TENM3: variants seen among roughly 807,000 people sequenced by gnomAD.
TENM3 encodes the protein teneurin transmembrane protein 3.
In TENM3, 63 loss-of-function variants were observed where a neutral mutation model predicts 255.1. The observed-to-expected ratio is 0.25, with a 90% CI of 0.20 to 0.30. The LOEUF (loss-of-function observed/expected upper bound fraction) is 0.30. TENM3 is among the 10% of genes least tolerant of loss of function. The pLI is 1.00. For missense variants in TENM3, 2,929 were observed against 3,461.1 expected (o/e 0.85, Z 3.86); for synonymous variants, 1,306 against 1,322.3 (o/e 0.99, Z 0.27).
intron 3 of TENM3, among the ~76,000 whole-genome samples, chr4:182,495,979 T>A (rs1237843321): frequency 6.6e-6 from 1 of 152,234 alleles, no homozygotes; most frequent in African/African-American, 2.4e-5. Context: ...CCTTGGAAGC[T>A]AAGCATTTTA....
the TENM3 span, among the ~76,000 whole-genome samples, chr4:181,848,471 G>A: frequency 6.6e-6 from 1 of 152,154 alleles, no homozygotes; most frequent in African/African-American, 2.4e-5. Context: ...AGTGCAATAT[G>A]AAGGATGATG....
chr4:182,209,372 C>T lies in TENM3; in HGVS notation c.-76+64618C>T, dbSNP rs116133050. Among the ~76,000 whole-genome samples, 516 of 151,920 alleles carry T rather than the reference C, an allele frequency of 3.4e-3. 2 individuals are homozygous for T. Among genetic ancestry groups the T allele is most frequent in the African/African-American group, 0.012 (490 of 41,414 alleles). ...CTCAAGGCAGGTGCTTCCCAGGCACCTTGTGTGCGTGTGGCCCCACTGTGC... is the reference window on the plus strand; with the variant it reads ...CTCAAGGCAGGTGCTTCCCAGGCACTTTGTGTGCGTGTGGCCCCACTGTGC... On this transcript the variant is annotated intron_variant, in intron 1 of 2. Transcript: ENST00000512480.
chr4:182,206,286 T>C (rs1754572399), intron 1 of TENM3, among the ~76,000 whole-genome samples: 1 of 152,160 alleles, frequency 6.6e-6, no homozygotes, highest in Non-Finnish European at 1.5e-5. Context: ...CAGATTTGTT[T>C]TCCTGTTTTG....
intron 13 of TENM3, among the ~76,000 whole-genome samples, chr4:182,719,811 A>G (rs1759557962): frequency 6.6e-6 from 1 of 152,162 alleles, no homozygotes; most frequent in South Asian, 2.1e-4. Context: ...CTGTAATCCT[A>G]TCATTTAGGG....
chr4:181,929,446 T>C, the TENM3 span, among the ~76,000 whole-genome samples: 1 of 151,746 alleles, frequency 6.6e-6, no homozygotes, highest in Non-Finnish European at 1.5e-5. Context: ...GGGCATTATA[T>C]AATGGTAAAG....
At chr4:181,949,947 G>A in the TENM3 span, among the ~76,000 whole-genome samples, 9 of 152,028 alleles carry the variant, frequency 5.9e-5, no homozygotes, top group Non-Finnish European at 1.2e-4. Context: ...GCCCATACCT[G>A]ACCATCCTAA....
the TENM3 span, among the ~76,000 whole-genome samples, chr4:181,664,484 AAC>A: frequency 3.2e-5 from 4 of 125,632 alleles, no homozygotes; most frequent in Admixed American, 7.5e-5. Flanking sequence ...AATAAAAAAA[AAC>A]AAAACAAAAA....
chr4:182,671,387 G>A (rs546263381), intron 6 of TENM3, among the ~76,000 whole-genome samples: 48 of 152,236 alleles, frequency 3.2e-4, no homozygotes, highest in African/African-American at 1.1e-3. Context: ...CAAGTTCCAC[G>A]GCCATGCTTG....
At chr4:182,393,150 T>C (rs139839597) in intron 3 of TENM3, among the ~76,000 whole-genome samples, 32 of 152,364 alleles carry the variant, frequency 2.1e-4, no homozygotes, top group African/African-American at 7.5e-4. Flanking sequence ...AATGACACAT[T>C]ATTTTACTTA....
the TENM3 span, among the ~76,000 whole-genome samples, chr4:181,661,123 T>C: frequency 6.6e-6 from 1 of 152,258 alleles, no homozygotes; most frequent in Admixed American, 6.5e-5. Context: ...AATTGTCAAA[T>C]TTTGGAAGTA....
At chr4:182,730,099 G>A in intron 14 of TENM3, 101 bp from the exon 15 acceptor site, 3 of 1,416,604 alleles carry the variant, frequency 2.1e-6, no homozygotes, top group South Asian at 1.3e-5. Context: ...GGATTGCATA[G>A]CATAGTGTTA....
chr4:181,539,535 C>T, the TENM3 span, among the ~76,000 whole-genome samples: 1 of 152,000 alleles, frequency 6.6e-6, no homozygotes, highest in South Asian at 2.1e-4. Flanking sequence ...ACGTTTATTC[C>T]TCTAAAAATC....
the TENM3 span, among the ~76,000 whole-genome samples, chr4:181,589,525 A>T: frequency 6.6e-6 from 1 of 152,198 alleles, no homozygotes; most frequent in Non-Finnish European, 1.5e-5. Context: ...CTAAAAATGT[A>T]AAAAGGAAGG....
chr4:182,534,096 A>G (rs534012153), intron 3 of TENM3, among the ~76,000 whole-genome samples: 6 of 152,214 alleles, frequency 3.9e-5, no homozygotes, highest in Non-Finnish European at 8.8e-5. Context: ...ATGTACTCTA[A>G]GAATACAAAA....
chr4:181,953,620 C>T, the TENM3 span, among the ~76,000 whole-genome samples: 1 of 151,928 alleles, frequency 6.6e-6, no homozygotes, highest in Non-Finnish European at 1.5e-5. Context: ...GGCGAGGTTG[C>T]AGTGAGCCAA....
the TENM3 span, among the ~76,000 whole-genome samples, chr4:181,606,791 G>T: frequency 6.6e-6 from 1 of 151,970 alleles, no homozygotes; most frequent in African/African-American, 2.4e-5. Context: ...AGGCCAGAAT[G>T]ACTTCTAATG....
At chr4:181,828,898 T>A in the TENM3 span, among the ~76,000 whole-genome samples, 1 of 152,180 alleles carries the variant, frequency 6.6e-6, no homozygotes, top group Non-Finnish European at 1.5e-5. Context: ...CCCCAGGATT[T>A]CTAATTCTAA....
the TENM3 span, among the ~76,000 whole-genome samples, chr4:181,713,188 T>C: frequency 3.9e-5 from 6 of 152,180 alleles, no homozygotes; most frequent in African/African-American, 1.4e-4. Flanking sequence ...AAACTAAGTG[T>C]GCCTTTGTCA....
chr4:182,518,782 T>G (rs1738264012), intron 3 of TENM3, among the ~76,000 whole-genome samples: 1 of 152,212 alleles, frequency 6.6e-6, no homozygotes, highest in Non-Finnish European at 1.5e-5. Context: ...ATAAATTTGT[T>G]GTTCTAACTG....
Sources: gnomAD v4.1 joint callset for allele counts (sites outside exome capture counted in the v4.1 genomes callset) on GRCh38, gnomAD v4.1.1 for gene constraint, MANE v1.5 for transcripts, NCBI Gene and HGNC (gene_info 2026-07-23, HGNC 2026-07-21) for gene names.